Variants in WWOX observed in about 807,000 individuals in gnomAD.
The protein encoded by WWOX is WW domain containing oxidoreductase, also known as WW domain-containing oxidoreductase.
A neutral mutation model predicts 46.2 loss-of-function variants in WWOX; 69 were observed. The observed-to-expected ratio is 1.49, with a 90% confidence interval of 1.23 to 1.82. The LOEUF (loss-of-function observed/expected upper bound fraction) is 1.82. Ranked by LOEUF, WWOX falls within the 40% of genes most tolerant of loss-of-function variation. The pLI is 0.00. For missense variants in WWOX, 919 were observed against 542.6 expected, an observed-to-expected ratio of 1.69 and a Z score of -6.89; for synonymous variants, 359 against 202.6, an observed-to-expected ratio of 1.77 and a Z score of -6.56.
At chr16:79,133,694 T>C (rs191371261) in intron 8 of WWOX, among the ~76,000 whole-genome samples, 66 of 152,324 alleles carry the variant, frequency 4.3e-4, no homozygotes, top group African/African-American at 1.5e-3. Context: ...GTATATTGTA[T>C]CAGTAATTTT....
chr16:78,975,450 TC>T (rs1409684391), intron 8 of WWOX, among the ~76,000 whole-genome samples: 1 of 149,558 alleles, frequency 6.7e-6, no homozygotes, highest in African/African-American at 2.5e-5. Flanking sequence ...CCTAGAGGGT[TC>T]CCCAACCTTT....
intron 6 of WWOX, among the ~76,000 whole-genome samples, chr16:78,388,798 C>T (rs1423678351): frequency 2.6e-5 from 4 of 151,732 alleles, no homozygotes; most frequent in South Asian, 2.1e-4. Flanking sequence ...GGTAAAACCC[C>T]GTCTCTACTA....
chr16:78,576,996 G>C (rs1260000460), intron 8 of WWOX, among the ~76,000 whole-genome samples: 2 of 152,166 alleles, frequency 1.3e-5, no homozygotes, highest in Admixed American at 1.3e-4. Flanking sequence ...TATTGCTGCA[G>C]AACAAATCAC....
chr16:79,105,057 GA>G (rs2049280500), intron 8 of WWOX, among the ~76,000 whole-genome samples: 1 of 152,122 alleles, frequency 6.6e-6, no homozygotes, highest in African/African-American at 2.4e-5. Flanking sequence ...TACAAAAGTG[GA>G]AAATGTGATA....
intron 6 of WWOX, among the ~76,000 whole-genome samples, chr16:78,423,138 G>A (rs143041556): frequency 6.6e-6 from 1 of 152,062 alleles, no homozygotes; most frequent in African/African-American, 2.4e-5. Flanking sequence ...GCCTGCCTCA[G>A]CCTCCCAAAG....
intron 8 of WWOX, among the ~76,000 whole-genome samples, chr16:79,030,278 T>C (rs1343683602): frequency 6.6e-6 from 1 of 152,264 alleles, no homozygotes; most frequent in Admixed American, 6.5e-5. Flanking sequence ...ATAATTACTT[T>C]ATGACTTCTT....
chr16:78,178,413 C>G (rs1429658999), intron 5 of WWOX, among the ~76,000 whole-genome samples: 3 of 152,216 alleles, frequency 2.0e-5, no homozygotes, highest in African/African-American at 4.8e-5. Context: ...CAGGCTGCTA[C>G]GCTTTTATTC....
intron 8 of WWOX, among the ~76,000 whole-genome samples, chr16:78,829,521 G>A (rs1041215435): frequency 6.6e-6 from 1 of 152,206 alleles, no homozygotes; most frequent in South Asian, 2.1e-4. Context: ...AGATATCTGG[G>A]CACTGTGTGG....
intron 5 of WWOX, among the ~76,000 whole-genome samples, chr16:78,385,061 G>A (rs1169058206): frequency 1.3e-5 from 2 of 151,988 alleles, no homozygotes; most frequent in South Asian, 2.1e-4. Context: ...TTGAGCCCAG[G>A]AAGTGGAGGT....
chr16:78,362,174 G>A (rs1007444220), intron 5 of WWOX, among the ~76,000 whole-genome samples: 4 of 152,050 alleles, frequency 2.6e-5, no homozygotes, highest in Admixed American at 6.5e-5. Flanking sequence ...AAGGTCTGCT[G>A]TTAGGGACGT....
intron 8 of WWOX, among the ~76,000 whole-genome samples, chr16:78,472,227 A>G (rs2084239633): frequency 6.6e-6 from 1 of 152,164 alleles, no homozygotes; most frequent in African/African-American, 2.4e-5. Flanking sequence ...TGCATATTGC[A>G]TTCCTGTGAC....
chr16:78,783,766 G>A (rs144341438), intron 8 of WWOX, among the ~76,000 whole-genome samples: 2 of 152,040 alleles, frequency 1.3e-5, no homozygotes, highest in African/African-American at 4.8e-5. Context: ...ATGGTAGTAT[G>A]ATAATGCTGA....
intron 8 of WWOX, among the ~76,000 whole-genome samples, chr16:78,675,714 C>G (rs1314590255): frequency 6.6e-6 from 1 of 152,126 alleles, no homozygotes; most frequent in Non-Finnish European, 1.5e-5. Context: ...GTGGCTCATG[C>G]CTATAACCCT....
intron 8 of WWOX, among the ~76,000 whole-genome samples, chr16:78,466,868 T>C (rs529742531): frequency 6.6e-6 from 1 of 151,132 alleles, no homozygotes; most frequent in South Asian, 2.1e-4. Context: ...GCACAAAAAA[T>C]TTTTTTCTTC....
intron 8 of WWOX, among the ~76,000 whole-genome samples, chr16:78,466,118 G>A (rs1480613819): frequency 1.4e-4 from 21 of 151,940 alleles, no homozygotes; most frequent in African/African-American, 4.1e-4. Context: ...TGCAAGCTCC[G>A]CCTCCCAGGT....
Position 79,123,649 on chromosome 16 carries a change from T to C in WWOX, c.1057-87959T>C, listed in dbSNP as rs537354390. Among the ~76,000 whole-genome samples the C allele has an allele frequency of 4.9e-3, 746 of 152,242 alleles. 4 individuals carry two copies. The highest frequency in any genetic ancestry group is 0.01 in the Middle Eastern group (3 of 294). On this transcript the variant is annotated intron_variant, in intron 8 of 8. Transcript: ENST00000566780. ...TTTGACCCCAAGGCTCCAGGCTTTT[T>C]CCCTATTTCTTTCTCACCCACAGCC...
At chr16:78,293,504 A>G (rs1269516920) in intron 5 of WWOX, among the ~76,000 whole-genome samples, 3 of 152,004 alleles carry the variant, frequency 2.0e-5, no homozygotes, top group Non-Finnish European at 2.9e-5. Flanking sequence ...TCTAAGCTCT[A>G]TGGATCACTT....
At chr16:79,203,864 C>T (rs780476713) in intron 8 of WWOX, 4 of 152,072 alleles carry the variant, frequency 2.6e-5, no homozygotes, top group Non-Finnish European at 4.4e-5. Flanking sequence ...ACGCAGTACA[C>T]GAGCTAGCTA....
intron 8 of WWOX, among the ~76,000 whole-genome samples, chr16:78,567,531 C>A (rs1428568463): frequency 8.4e-6 from 1 of 118,572 alleles, no homozygotes; most frequent in African/African-American, 3.4e-5. Flanking sequence ...CCAGCCTGGG[C>A]GACAGAAGGA....
Sources: allele counts gnomAD v4.1 joint callset (sites outside exome capture counted in the v4.1 genomes callset), GRCh38; gene constraint gnomAD v4.1.1; transcripts MANE v1.5; gene names NCBI Gene and HGNC (gene_info 2026-07-23, HGNC 2026-07-21).